The following MMP26 variants were observed in gnomAD, a reference collection of about 807,000 sequenced individuals.
MMP26 encodes the protein matrix metallopeptidase 26.
In MMP26, 33 loss-of-function variants were observed where a neutral mutation model predicts 31.0. The ratio of observed to expected loss-of-function variants is 1.06; its 90% CI spans 0.81 to 1.42. MMP26 has a LOEUF of 1.42. Among genes scored for constraint, MMP26 ranks in the 40% most tolerant of loss-of-function variants. The pLI is 0.00. For synonymous variants in MMP26, 122 were observed against 114.9 expected (o/e 1.06, Z -0.40); for missense variants, 347 against 316.1 (o/e 1.10, Z -0.74).
intron 2 of MMP26, chr11:4,848,360 T>G: frequency 6.2e-7 from 1 of 1,614,062 alleles, no homozygotes; most frequent in East Asian, 2.2e-5. Flanking sequence ...GGACATAGGA[T>G]AGAAGAGTAT....
At position 4,760,348 on chromosome 11, in the gene MMP26, G is replaced by T. The variant is rs560805542; in HGVS notation, c.-216-6922G>T. On this transcript the variant is annotated intron_variant, in intron 1 of 7. Transcript: ENST00000380390. ...TTTATTATATATTTTCTGAATTTAGGAACAGCATCTGTGGAATGTTACAAA... is the reference window on the plus strand; with the variant it reads ...TTTATTATATATTTTCTGAATTTAGTAACAGCATCTGTGGAATGTTACAAA... 3.3e-5 allele frequency among the ~76,000 whole-genome samples: 5 copies of T among 152,242 alleles called. No individual in the cohort carries two copies. In the South Asian group the frequency reaches 1.0e-3, roughly 32 times the overall value.
chr11:4,743,591 C>A (rs991780909), intron 1 of MMP26, among the ~76,000 whole-genome samples: 4 of 152,132 alleles, frequency 2.6e-5, no homozygotes, highest in Non-Finnish European at 4.4e-5. Flanking sequence ...TGATACAATA[C>A]CATTCCCACT....
At chr11:4,890,319 C>G (rs1850600654) in intron 2 of MMP26, 1 of 156,682 alleles carries the variant, frequency 6.4e-6, no homozygotes, top group African/African-American at 2.4e-5. Flanking sequence ...TGAGGAGATT[C>G]CTGTGGCATT....
At chr11:4,849,573 A>AT (rs1240591889) in intron 2 of MMP26, among the ~76,000 whole-genome samples, 1 of 151,504 alleles carries the variant, frequency 6.6e-6, no homozygotes, top group Non-Finnish European at 1.5e-5. Flanking sequence ...ATTTATCCAT[A>AT]TTTTTTTCTC....
chr11:4,819,091 A>T (rs906142160), intron 2 of MMP26, among the ~76,000 whole-genome samples: 9 of 152,200 alleles, frequency 5.9e-5, no homozygotes, highest in Admixed American at 2.6e-4. Flanking sequence ...TTTATACAGA[A>T]AATGGTATAG....
intron 2 of MMP26, chr11:4,908,035 GA>G (rs1564804756): frequency 6.2e-7 from 1 of 1,614,108 alleles, no homozygotes; most frequent in East Asian, 2.2e-5. Flanking sequence ...TGATCTTGAA[GA>G]CTATACTCAG....
chr11:4,986,083 C>T (rs1357727357), intron 2 of MMP26, among the ~76,000 whole-genome samples: 4 of 152,228 alleles, frequency 2.6e-5, no homozygotes, highest in African/African-American at 9.6e-5. Context: ...CCTCCCTCCA[C>T]ATATATATCA....
intron 2 of MMP26, among the ~76,000 whole-genome samples, chr11:4,820,525 A>C (rs1232236634): frequency 1.4e-5 from 2 of 138,478 alleles, no homozygotes; most frequent in African/African-American, 2.7e-5. Context: ...CTTCTTTCTC[A>C]CTCCCTCCCT....
At chr11:4,946,941 C>T (rs773692308) in intron 2 of MMP26, 1 of 1,606,094 alleles carries the variant, frequency 6.2e-7, no homozygotes, top group South Asian at 1.1e-5. Flanking sequence ...AAGGAGGGCT[C>T]TGTCTTGATG....
intron 1 of MMP26, among the ~76,000 whole-genome samples, chr11:4,763,096 T>C (rs1848588827): frequency 6.6e-6 from 1 of 152,134 alleles, no homozygotes; most frequent in African/African-American, 2.4e-5. Context: ...TGAAAATAAG[T>C]TAGAATAAGG....
At chr11:4,987,142 A>G (rs1846913393) in intron 2 of MMP26, among the ~76,000 whole-genome samples, 1 of 151,726 alleles carries the variant, frequency 6.6e-6, no homozygotes, top group Non-Finnish European at 1.5e-5. Flanking sequence ...TCAGCCTCCC[A>G]AAGTGCTGGG....
intron 2 of MMP26, among the ~76,000 whole-genome samples, chr11:4,872,253 A>T (rs572522010): frequency 6.6e-6 from 1 of 152,078 alleles, no homozygotes; most frequent in Non-Finnish European, 1.5e-5. Flanking sequence ...TTTATTGTCT[A>T]TCTAAGATAA....
At position 4,816,764 on chromosome 11, in the gene MMP26, C is replaced by T. The variant is rs992202385; in HGVS notation, c.-145+49423C>T. Among the ~76,000 whole-genome samples the T allele has an allele frequency of 2.3e-5, 3 of 132,050 alleles. No homozygotes were observed. The Admixed American group carries it at 2.6e-4, about 11-fold the overall frequency. 86.6% of individuals were successfully genotyped at this position (132,050 alleles called of 152,430 possible). On this transcript the variant is annotated intron_variant, in intron 2 of 7. Coordinates refer to ENST00000380390, the MANE Select transcript of MMP26 (RefSeq NM_021801.5). ...TATTGCCCAGGCTGGAACTCAGTGGCGGGATCTCGGCTCACTGCAAGCTCC... is the reference window on the plus strand; with the variant it reads ...TATTGCCCAGGCTGGAACTCAGTGGTGGGATCTCGGCTCACTGCAAGCTCC...
At chr11:4,785,828 G>A (rs1187061816) in intron 2 of MMP26, among the ~76,000 whole-genome samples, 6 of 152,108 alleles carry the variant, frequency 3.9e-5, no homozygotes, top group Non-Finnish European at 5.9e-5. Flanking sequence ...TCTGGGATAT[G>A]TTTTCGCTAT....
intron 1 of MMP26, chr11:4,722,643 C>G: frequency 1.5e-6 from 1 of 650,394 alleles, no homozygotes. Context: ...AGGTGGGTCC[C>G]CTGTTCCCTG....
At chr11:4,723,733 A>C (rs946418446) in intron 1 of MMP26, 1 of 1,228,988 alleles carries the variant, frequency 8.1e-7, no homozygotes. Flanking sequence ...TTGCCGCCTA[A>C]GGTTGTTGAT....
At chr11:4,928,115 C>G (rs1273963139) in intron 2 of MMP26, among the ~76,000 whole-genome samples, 1 of 105,258 alleles carries the variant, frequency 9.5e-6, no homozygotes, top group East Asian at 4.7e-4. Context: ...GACTATATGA[C>G]CTAGGACAAA....
At chr11:4,822,728 C>T (rs1425472678) in intron 2 of MMP26, among the ~76,000 whole-genome samples, 1 of 152,158 alleles carries the variant, frequency 6.6e-6, no homozygotes, top group Admixed American at 6.5e-5. Flanking sequence ...GAATGACACA[C>T]AGAAAACACT....
rs1359365953 is a variant in MMP26, at chr11:4,950,789, A to G, written c.-144-37279A>G. Among the ~76,000 whole-genome samples, 3 of 123,626 alleles carry G rather than the reference A, an allele frequency of 2.4e-5. 1 individual carries two copies. The highest frequency in any genetic ancestry group is 4.5e-4 in the East Asian group (2 of 4,442). 81.1% of individuals were successfully genotyped at this position (123,626 alleles called of 152,430 possible). ...CAATGCACTTGACTTGCACTGTTCA[A>G]TTTGCATTTGGAAAAATGCAAATTA... On this transcript the variant is annotated intron_variant, in intron 2 of 7. Coordinates refer to ENST00000380390, the MANE Select transcript of MMP26 (RefSeq NM_021801.5).
Sources: gnomAD v4.1 joint callset for allele counts (sites outside exome capture counted in the v4.1 genomes callset) on GRCh38, gnomAD v4.1.1 for gene constraint, MANE v1.5 for transcripts, NCBI Gene and HGNC (gene_info 2026-07-23, HGNC 2026-07-21) for gene names.